The following SAMD4A variants were observed in gnomAD, a reference collection of about 807,000 sequenced individuals.
SAMD4A encodes the protein protein Smaug homolog 1.
A neutral mutation model predicts 81.3 loss-of-function variants in SAMD4A; 33 were observed. The observed-to-expected ratio is 0.41, with a 90% CI of 0.31 to 0.54. SAMD4A has a LOEUF of 0.54. SAMD4A is among the 20% of genes least tolerant of loss of function. The pLI is 0.37. For synonymous variants in SAMD4A, 389 were observed against 382.1 expected (o/e 1.02, Z -0.21); for missense variants, 854 against 951.1 (o/e 0.90, Z 1.34).
At chr14:54,753,245 A>T (rs1477114572) in intron 6 of SAMD4A, among the ~76,000 whole-genome samples, 1 of 152,260 alleles carries the variant, frequency 6.6e-6, no homozygotes, top group African/African-American at 2.4e-5. Flanking sequence ...TCACCTGGGA[A>T]GAAACCTTGG....
intron 2 of SAMD4A, among the ~76,000 whole-genome samples, chr14:54,642,131 G>T (rs2035188939): frequency 6.6e-6 from 1 of 152,184 alleles, no homozygotes; most frequent in Admixed American, 6.5e-5. Flanking sequence ...TTGGAAGGTA[G>T]ATATTAGTTC....
At chr14:54,613,616 C>T (rs7159423) in intron 2 of SAMD4A, among the ~76,000 whole-genome samples, 69,470 of 152,018 alleles carry the variant, frequency 0.46, 15,791 homozygotes, top group Middle Eastern at 0.51. Flanking sequence ...GTTCCCAGGA[C>T]GTGAAGTTAG....
chr14:54,610,862 G>T (rs1246788509), intron 2 of SAMD4A, among the ~76,000 whole-genome samples: 1 of 152,090 alleles, frequency 6.6e-6, no homozygotes, highest in Non-Finnish European at 1.5e-5. Context: ...AGAAGGTTTT[G>T]GTTTTCTCTC....
chr14:54,752,687 A>G (rs1440193761), intron 6 of SAMD4A, among the ~76,000 whole-genome samples: 1 of 152,228 alleles, frequency 6.6e-6, no homozygotes, highest in Non-Finnish European at 1.5e-5. Context: ...TAAGACACAG[A>G]GACAAAGTAT....
chr14:54,706,637 C>A (rs1416651918), intron 3 of SAMD4A, among the ~76,000 whole-genome samples: 2 of 149,622 alleles, frequency 1.3e-5, no homozygotes, highest in African/African-American at 4.9e-5. Context: ...AAGAAAAAAA[C>A]CAGGAAAGAA....
chr14:54,709,637 T>C (rs2036941261), intron 3 of SAMD4A, among the ~76,000 whole-genome samples: 1 of 152,162 alleles, frequency 6.6e-6, no homozygotes, highest in South Asian at 2.1e-4. Context: ...CTCAAGGGTA[T>C]GCTGACTAAG....
At chr14:54,691,416 C>G (rs1378927709) in intron 2 of SAMD4A, among the ~76,000 whole-genome samples, 2 of 152,002 alleles carry the variant, frequency 1.3e-5, no homozygotes, top group East Asian at 3.9e-4. Context: ...GGCAGGATAC[C>G]CAGAAGGAGG....
chr14:54,785,505 C>G (rs1045235818), intron 12 of SAMD4A, among the ~76,000 whole-genome samples: 18 of 152,188 alleles, frequency 1.2e-4, no homozygotes, highest in Admixed American at 1.0e-3. Context: ...TCCTGTGAGC[C>G]TTTCCAATAG....
chr14:54,701,556 A>G (rs147103062), intron 2 of SAMD4A, among the ~76,000 whole-genome samples: 5 of 152,270 alleles, frequency 3.3e-5, no homozygotes, highest in Non-Finnish European at 7.4e-5. Flanking sequence ...TTCCCTGACA[A>G]ATTTCTCCAT....
chr14:54,649,170 G>A (rs1369452027), intron 2 of SAMD4A, among the ~76,000 whole-genome samples: 1 of 152,220 alleles, frequency 6.6e-6, no homozygotes, highest in Non-Finnish European at 1.5e-5. Flanking sequence ...ATGTCCTAGT[G>A]AGGCTGTCGA....
At chr14:54,678,698 G>A (rs1301378476) in intron 2 of SAMD4A, among the ~76,000 whole-genome samples, 8 of 152,038 alleles carry the variant, frequency 5.3e-5, no homozygotes, top group Admixed American at 1.3e-4. Flanking sequence ...ACAGGCGCCC[G>A]CCATCGCTTC....
Position 54,702,313 on chromosome 14 carries a change from T to G in SAMD4A, c.448T>G (p.Leu150Val), listed in dbSNP as rs752081245. 6.2e-7 allele frequency: 1 copy of G among 1,613,772 alleles called. No homozygotes were observed. ...RSALAMWLNH[L>V]EDRTSTSFGG... ...TGCTTTAGCCATGTGGCTGAATCACTTGGAGGACCGCACGTCGACCAGCTT... is the reference window on the plus strand; with the variant it reads ...TGCTTTAGCCATGTGGCTGAATCACGTGGAGGACCGCACGTCGACCAGCTT... Residue 150 changes from leucine (L) to valine (V), a missense_variant, in exon 3 of 13, where the codon TTG (leucine) becomes GTG (valine). Physicochemically the swap from Leu to Val is conservative, Grantham distance 32. Coordinates refer to ENST00000554335, the MANE Select transcript of SAMD4A (RefSeq NM_015589.6).
intron 6 of SAMD4A, among the ~76,000 whole-genome samples, chr14:54,759,537 C>T (rs1418193317): frequency 1.3e-5 from 2 of 152,210 alleles, no homozygotes; most frequent in Admixed American, 1.3e-4. Flanking sequence ...TATCTCATGG[C>T]TGGATGTCAA....
intron 3 of SAMD4A, among the ~76,000 whole-genome samples, chr14:54,711,510 A>T (rs2036988789): frequency 6.6e-6 from 1 of 152,150 alleles, no homozygotes; most frequent in African/African-American, 2.4e-5. Context: ...GATACGTAAG[A>T]TGTCACCTTG....
At chr14:54,658,937 G>T (rs2035581953) in intron 2 of SAMD4A, among the ~76,000 whole-genome samples, 1 of 152,252 alleles carries the variant, frequency 6.6e-6, no homozygotes, top group Non-Finnish European at 1.5e-5. Flanking sequence ...CCAGGCTTGT[G>T]CTTAGGCAGG....
chr14:54,604,605 G>A (rs572272133), intron 2 of SAMD4A, among the ~76,000 whole-genome samples: 2 of 152,164 alleles, frequency 1.3e-5, no homozygotes, highest in South Asian at 4.1e-4. Context: ...TCAATCTTTT[G>A]TAGTTCTGAA....
intron 2 of SAMD4A, among the ~76,000 whole-genome samples, chr14:54,568,822 G>A (rs1284626702): frequency 6.7e-6 from 1 of 149,724 alleles, no homozygotes; most frequent in African/African-American, 2.5e-5. Context: ...AGAAAGGACA[G>A]GCATGAAGTG....
chr14:54,724,007 T>TGGATGGAAGGAAGGAAGGAAGGAA lies in SAMD4A; in HGVS notation c.716-13014_716-13013insTGGAAGGAAGGAAGGAAGGAAGGA, dbSNP rs1555347506. 3.6e-4 allele frequency among the ~76,000 whole-genome samples: 45 copies of TGGATGGAAGGAAGGAAGGAAGGAA among 124,254 alleles called. No individual in the cohort carries two copies. In the East Asian group the frequency reaches 6.5e-3, roughly 18 times the overall value. The allele number at this position is 124,254 out of a possible 152,430, so 81.5% of individuals were successfully genotyped here. On this transcript the variant is annotated intron_variant, in intron 3 of 12. Coordinates refer to ENST00000554335, the MANE Select transcript of SAMD4A (RefSeq NM_015589.6). ...AGCAAATATTGGATGGATGGATGGA[T>TGGATGGAAGGAAGGAAGGAAGGAA]GGAAGGAAGGAAGGAAGGAAGGAAG... is the stretch of plus-strand genomic sequence containing the variant.
At chr14:54,781,338 C>T (rs959690441) in intron 11 of SAMD4A, among the ~76,000 whole-genome samples, 3 of 152,216 alleles carry the variant, frequency 2.0e-5, no homozygotes, top group African/African-American at 4.8e-5. Context: ...CCTTTGGGCT[C>T]CTCAGGTGGA....
Sources: allele counts gnomAD v4.1 joint callset (sites outside exome capture counted in the v4.1 genomes callset), GRCh38; gene constraint gnomAD v4.1.1; transcripts MANE v1.5; gene names NCBI Gene and HGNC (gene_info 2026-07-23, HGNC 2026-07-21).